The following SLC24A2 variants were observed in gnomAD, a reference collection of about 807,000 sequenced individuals.
The protein encoded by SLC24A2 is sodium/potassium/calcium exchanger 2.
A neutral mutation model predicts 62.0 loss-of-function variants in SLC24A2; 36 were observed. That is an observed-to-expected ratio of 0.58 (90% confidence interval 0.44 to 0.77). The LOEUF (loss-of-function observed/expected upper bound fraction) is 0.77. Among genes scored for constraint, SLC24A2 ranks in the 30% least tolerant of loss-of-function variants. The pLI, the probability that SLC24A2 is intolerant of heterozygous loss-of-function variation, is 0.00. For missense variants in SLC24A2, 846 were observed against 817.9 expected (o/e 1.03, Z -0.42); for synonymous variants, 358 against 294.0 (o/e 1.22, Z -2.23).
the SLC24A2 span, among the ~76,000 whole-genome samples, chr9:20,192,376 GAT>G: frequency 1.3e-5 from 2 of 151,310 alleles, no homozygotes; most frequent in African/African-American, 4.9e-5. Flanking sequence ...AAATTGGGAA[GAT>G]ATATATATAT....
intron 8 of SLC24A2, among the ~76,000 whole-genome samples, chr9:19,547,095 T>G (rs1834617727): frequency 6.6e-6 from 1 of 152,178 alleles, no homozygotes; most frequent in East Asian, 1.9e-4. Context: ...AACCCTGTCT[T>G]TATGTCTCTT....
At chr9:20,089,821 C>A in the SLC24A2 span, among the ~76,000 whole-genome samples, 157 of 152,146 alleles carry the variant, frequency 1.0e-3, 1 homozygote, top group African/African-American at 3.6e-3. Flanking sequence ...CAGAACACCA[C>A]AGCACAGAGA....
the SLC24A2 span, among the ~76,000 whole-genome samples, chr9:20,259,413 T>C: frequency 2.0e-5 from 3 of 152,180 alleles, no homozygotes; most frequent in African/African-American, 7.2e-5. Context: ...ATCATACTGC[T>C]GTGTGGGAGG....
the SLC24A2 span, among the ~76,000 whole-genome samples, chr9:19,916,986 T>TTTTG: frequency 6.8e-6 from 1 of 146,552 alleles, no homozygotes; most frequent in African/African-American, 2.5e-5. Context: ...TACCTGTTTT[T>TTTTG]TTTTTTTTTT....
upstream of SLC24A2, among the ~76,000 whole-genome samples, chr9:19,792,859 TTCTC>T (rs1179931357): frequency 1.3e-5 from 2 of 152,254 alleles, no homozygotes; most frequent in Non-Finnish European, 2.9e-5. Context: ...AATCTCTAGC[TTCTC>T]TGTTATTAAA....
chr9:19,689,339 C>T (rs1819976185), intron 2 of SLC24A2, among the ~76,000 whole-genome samples: 1 of 152,054 alleles, frequency 6.6e-6, no homozygotes, highest in Non-Finnish European at 1.5e-5. Context: ...TCTCAAAAGG[C>T]CATATTCTTA....
At chr9:19,738,604 T>G (rs1020375273) in intron 2 of SLC24A2, among the ~76,000 whole-genome samples, 1 of 152,176 alleles carries the variant, frequency 6.6e-6, no homozygotes, top group East Asian at 1.9e-4. Context: ...ATCATTATTA[T>G]TTTCAAATAA....
upstream of SLC24A2, among the ~76,000 whole-genome samples, chr9:19,791,291 G>T (rs745565923): frequency 6.6e-6 from 1 of 151,944 alleles, no homozygotes; most frequent in Non-Finnish European, 1.5e-5. Context: ...AGGCCTCCTT[G>T]CTAGGCTTTG....
the SLC24A2 span, among the ~76,000 whole-genome samples, chr9:20,254,008 A>G: frequency 6.0e-4 from 92 of 152,302 alleles, no homozygotes; most frequent in African/African-American, 2.2e-3. Context: ...AAGAGATAAA[A>G]GCAAAGAGAG....
At chr9:20,233,408 T>C in the SLC24A2 span, among the ~76,000 whole-genome samples, 3 of 152,218 alleles carry the variant, frequency 2.0e-5, no homozygotes, top group African/African-American at 7.2e-5. Context: ...ATCTGGGTTC[T>C]CCTGTATTGG....
chr9:20,053,447 T>C, the SLC24A2 span, among the ~76,000 whole-genome samples: 1 of 152,240 alleles, frequency 6.6e-6, no homozygotes, highest in Non-Finnish European at 1.5e-5. Flanking sequence ...AGATGCTCTC[T>C]GTTTTACTTT....
At chr9:20,099,644 C>T in the SLC24A2 span, among the ~76,000 whole-genome samples, 1 of 152,018 alleles carries the variant, frequency 6.6e-6, no homozygotes, top group Non-Finnish European at 1.5e-5. Context: ...AGGCTCCTTC[C>T]AGGGGATGAC....
the SLC24A2 span, among the ~76,000 whole-genome samples, chr9:20,123,977 A>AT: frequency 1.3e-5 from 2 of 152,190 alleles, no homozygotes; most frequent in African/African-American, 2.4e-5. Flanking sequence ...CTTCTTCCCT[A>AT]TTCCTGATTA....
At chr9:19,947,251 C>A in the SLC24A2 span, among the ~76,000 whole-genome samples, 1 of 152,092 alleles carries the variant, frequency 6.6e-6, no homozygotes, top group African/African-American at 2.4e-5. Flanking sequence ...ATAGCTACAA[C>A]CTCTGTCTGG....
chr9:19,795,809 A>T, the SLC24A2 span, among the ~76,000 whole-genome samples: 1 of 152,106 alleles, frequency 6.6e-6, no homozygotes, highest in East Asian at 1.9e-4. Flanking sequence ...GCCACCATTT[A>T]CATCCTATAA....
intron 2 of SLC24A2, among the ~76,000 whole-genome samples, chr9:19,771,560 T>G (rs916417283): frequency 6.6e-6 from 1 of 152,170 alleles, no homozygotes; most frequent in Non-Finnish European, 1.5e-5. Flanking sequence ...ATCTGCCTCT[T>G]ATTATAAGTC....
chr9:19,896,393 G>A, the SLC24A2 span, among the ~76,000 whole-genome samples: 4 of 152,210 alleles, frequency 2.6e-5, no homozygotes, highest in Non-Finnish European at 4.4e-5. Flanking sequence ...CAACACTGGT[G>A]TACAGTGCTT....
At chr9:19,804,132 G>C in the SLC24A2 span, among the ~76,000 whole-genome samples, 1 of 152,108 alleles carries the variant, frequency 6.6e-6, no homozygotes, top group Non-Finnish European at 1.5e-5. Context: ...GAATTATAGA[G>C]CCAGCTTGTT....
chr9:19,587,733 G>A (rs774342997), intron 5 of SLC24A2, among the ~76,000 whole-genome samples: 29 of 151,788 alleles, frequency 1.9e-4, no homozygotes, highest in Non-Finnish European at 2.4e-4. Context: ...TTTGACTGAC[G>A]AAGGCAACTT....
Sources: gnomAD v4.1 joint callset for allele counts (sites outside exome capture counted in the v4.1 genomes callset) on GRCh38, gnomAD v4.1.1 for gene constraint, MANE v1.5 for transcripts, NCBI Gene and HGNC (gene_info 2026-07-23, HGNC 2026-07-21) for gene names.